C4orf17: variants seen among roughly 807,000 people sequenced by gnomAD.
C4orf17 encodes the protein chromosome 4 open reading frame 17.
A neutral mutation model predicts 32.0 loss-of-function variants in C4orf17; 25 were observed. The observed-to-expected ratio is 0.78, with a 90% CI of 0.57 to 1.09. The LOEUF (loss-of-function observed/expected upper bound fraction) is 1.09, where lower values mean the gene tolerates loss of function less well. Among genes scored for constraint, C4orf17 ranks in the 50% least tolerant of loss-of-function variants. The pLI is 0.00. For missense variants in C4orf17, 420 were observed against 420.0 expected, an observed-to-expected ratio of 1.00 and a Z score of 0.00; for synonymous variants, 149 against 145.8, an observed-to-expected ratio of 1.02 and a Z score of -0.16.
chr4:99,536,620 G>A (rs1190788872), intron 5 of C4orf17, among the ~76,000 whole-genome samples: 2 of 152,182 alleles, frequency 1.3e-5, no homozygotes, highest in African/African-American at 4.8e-5. Context: ...TATGCTGGCT[G>A]CCCCTTCCCC....
intron 2 of C4orf17, among the ~76,000 whole-genome samples, chr4:99,515,950 A>C (rs1236765812): frequency 6.6e-6 from 1 of 152,158 alleles, no homozygotes; most frequent in Non-Finnish European, 1.5e-5. Context: ...AGGACCAAGC[A>C]ATGGCAGAAT....
At chr4:99,518,624 C>G (rs1723237050) in intron 2 of C4orf17, among the ~76,000 whole-genome samples, 1 of 136,756 alleles carries the variant, frequency 7.3e-6, no homozygotes, top group Non-Finnish European at 1.5e-5. Flanking sequence ...TTATCCTACA[C>G]AAAATCCTTT....
chr4:99,520,947 T>A (rs2110167647), intron 2 of C4orf17, among the ~76,000 whole-genome samples: 2 of 152,354 alleles, frequency 1.3e-5, no homozygotes, highest in South Asian at 4.1e-4. Flanking sequence ...CTTAATAATA[T>A]GTTCATAGTG....
Position 99,539,240 on chromosome 4 carries a change from T to A in C4orf17, c.706T>A (p.Ser236Thr), listed in dbSNP as rs755795647. ...GTTAACTCATCACAGAAGAAACACC[T>A]CAATGGAACCAGCAGCAGAGACTGG... ...NLLTHHRRNT[S>T]MEPAAETGKP... The change falls in exon 7 of 9, where the codon TCA (serine) becomes ACA (threonine). Residue 236 changes from serine (S) to threonine (T), a missense_variant. By Grantham distance (58) the Ser-to-Thr change is moderately conservative. Transcript: ENST00000326581. 6.2e-7 allele frequency: 1 copy of A among 1,614,042 alleles called. No homozygotes were observed. Among genetic ancestry groups the A allele is most frequent in the Non-Finnish European group, 8.5e-7 (1 of 1,179,942 alleles).
intron 5 of C4orf17, among the ~76,000 whole-genome samples, chr4:99,533,590 G>A (rs903176191): frequency 6.6e-6 from 1 of 152,158 alleles, no homozygotes; most frequent in Non-Finnish European, 1.5e-5. Context: ...GAGGTGGCTG[G>A]AACTTGCAAA....
Position 99,537,662 on chromosome 4 carries a change from C to A in C4orf17, c.547-7C>A. The A allele has an allele frequency of 6.2e-7, 1 of 1,607,062 alleles. No homozygotes were observed. Among genetic ancestry groups the A allele is most frequent in the Non-Finnish European group, 8.5e-7 (1 of 1,175,442 alleles). On this transcript the variant is annotated splice_polypyrimidine_tract_variant and splice_region_variant and intron_variant, in intron 5 of 8. Coordinates refer to ENST00000326581, the MANE Select transcript of C4orf17 (RefSeq NM_032149.3). ...TGCTCATATGTAACTCTAATGTTCTCTGTCAGATCCTGGCAAAGCTCTGTA... is the reference window on the plus strand; with the variant it reads ...TGCTCATATGTAACTCTAATGTTCTATGTCAGATCCTGGCAAAGCTCTGTA...
chr4:99,513,101 C>T lies in C4orf17; in HGVS notation c.20C>T (p.Thr7Ile), dbSNP rs920383669. Residue 7 changes from threonine to isoleucine, a missense_variant, in exon 2 of 9, where the codon ACA becomes ATA. Coordinates refer to ENST00000326581, the MANE Select transcript of C4orf17 (RefSeq NM_032149.3). ...ACAAACATGAACCTCAACCCCCCGA[C>T]ATCTGCTCTTCAGATCGAGGGCAAA... MNLNPP[T>I]SALQIEGKGS... 3.7e-6 allele frequency: 6 copies of T among 1,613,746 alleles called. No individual in the cohort carries two copies. The highest frequency in any genetic ancestry group is 4.5e-5 in the East Asian group (2 of 44,890).
rs1171162162 is a variant in C4orf17 at position 99,518,556 on chromosome 4, G to T, written c.128-3944G>T. 6.0e-3 allele frequency among the ~76,000 whole-genome samples: 669 copies of T among 110,960 alleles called. 14 individuals are homozygous for T. In the East Asian group the frequency reaches 0.13, roughly 21 times the overall value. 72.8% of individuals were successfully genotyped at this position (110,960 alleles called of 152,430 possible). On this transcript the variant is annotated intron_variant, in intron 2 of 8. Coordinates refer to ENST00000326581, the MANE Select transcript of C4orf17 (RefSeq NM_032149.3). Reference sequence around the variant, plus strand: ...ATATATATATATATAGAGAGAGAGAGAGAGAGAGAGAGAGAGAGAGAGAGA... The same window carrying T: ...ATATATATATATATAGAGAGAGAGATAGAGAGAGAGAGAGAGAGAGAGAGA...
intron 5 of C4orf17, among the ~76,000 whole-genome samples, chr4:99,534,050 C>T (rs1723519897): frequency 6.6e-6 from 1 of 152,124 alleles, no homozygotes; most frequent in South Asian, 2.1e-4. Flanking sequence ...TAAATGTATG[C>T]CCTGGTGGTT....
intron 2 of C4orf17, among the ~76,000 whole-genome samples, chr4:99,519,833 T>C (rs189753052): frequency 6.6e-6 from 1 of 152,072 alleles, no homozygotes; most frequent in Non-Finnish European, 1.5e-5. Context: ...AAGGTTGAAC[T>C]TGGGGTAGAG....
chr4:99,529,871 C>T lies in C4orf17; in HGVS notation c.459C>T (p.Gly153=). 1 of 1,612,902 alleles carries T rather than the reference C, an allele frequency of 6.2e-7. No individual in the cohort carries two copies. The highest frequency in any genetic ancestry group is 2.2e-5 in the East Asian group (1 of 44,822). The change falls in exon 5 of 9, where the codon GGC becomes GGT. Residue 153 remains glycine, a synonymous_variant. Transcript: ENST00000326581. ...CTCCAAAGGCATGCTCTACTCCTGG[C>T]TCCTGTTCTTCAGGGATGACAAGTA... The part of the protein sequence containing the change: ...PSPPKACSTP[G]SCSSGMTSTK...
intron 2 of C4orf17, among the ~76,000 whole-genome samples, chr4:99,520,937 C>T (rs1578188603): frequency 2.0e-5 from 3 of 152,154 alleles, no homozygotes; most frequent in African/African-American, 7.2e-5. Flanking sequence ...TGTTTACCAA[C>T]TTAATAATAT....
At chr4:99,524,435 C>T (rs947067544) in intron 3 of C4orf17, 86 bp from the exon 4 acceptor site, 11 of 744,698 alleles carry the variant, frequency 1.5e-5, no homozygotes, top group Non-Finnish European at 2.2e-5. Context: ...AACACTCTAT[C>T]TATTTCAGCA....
In C4orf17 at chr4:99,518,518, AAT is replaced by A. The variant is rs1323508832; in HGVS notation, c.128-3956_128-3955del. On this transcript the variant is annotated intron_variant, in intron 2 of 8. Coordinates refer to ENST00000326581, the MANE Select transcript of C4orf17 (RefSeq NM_032149.3). ...AAAAAAAAAAAAAAAAAAAAAAAAA[AAT>A]ATATATATATATATATATATATATA... Among the ~76,000 whole-genome samples, 125 of 16,826 alleles carry A rather than the reference AAT, an allele frequency of 7.4e-3. 3 individuals carry two copies. The highest frequency in any genetic ancestry group is 0.038 in the Middle Eastern group (1 of 26). 11.0% of individuals were successfully genotyped at this position (16,826 alleles called of 152,430 possible).
At chr4:99,521,227 G>A (rs1723282340) in intron 2 of C4orf17, among the ~76,000 whole-genome samples, 1 of 152,044 alleles carries the variant, frequency 6.6e-6, no homozygotes, top group South Asian at 2.1e-4. Flanking sequence ...CAAAAAATTA[G>A]ACGGACATGA....
chr4:99,515,466 G>A (rs1228708946), intron 2 of C4orf17, among the ~76,000 whole-genome samples: 1 of 152,156 alleles, frequency 6.6e-6, no homozygotes, highest in Non-Finnish European at 1.5e-5. Flanking sequence ...AATATCACAT[G>A]TTCTCCTTTG....
chr4:99,514,804 A>G (rs1020769274), intron 2 of C4orf17, among the ~76,000 whole-genome samples: 6 of 152,206 alleles, frequency 3.9e-5, no homozygotes, highest in African/African-American at 1.4e-4. Context: ...ACACATGTAC[A>G]TGCATGTTTA....
At chr4:99,530,734 G>C (rs965526662) in intron 5 of C4orf17, among the ~76,000 whole-genome samples, 3 of 152,198 alleles carry the variant, frequency 2.0e-5, no homozygotes, top group South Asian at 2.1e-4. Flanking sequence ...TAAAAGTAGA[G>C]CACAGAGTAT....
chr4:99,538,474 G>A (rs548783091), intron 6 of C4orf17, among the ~76,000 whole-genome samples: 1 of 152,324 alleles, frequency 6.6e-6, no homozygotes, highest in East Asian at 1.9e-4. Context: ...ACCAATGTGT[G>A]AGGAAGTCTA....
Sources: gnomAD v4.1 joint callset for allele counts (sites outside exome capture counted in the v4.1 genomes callset) on GRCh38, gnomAD v4.1.1 for gene constraint, MANE v1.5 for transcripts, NCBI Gene and HGNC (gene_info 2026-07-23, HGNC 2026-07-21) for gene names.